Variants in KDM4A observed in about 807,000 individuals in gnomAD.
KDM4A encodes lysine demethylase 4A, also known as lysine-specific demethylase 4A.
KDM4A carries 23 observed loss-of-function variants against 127.1 expected under a neutral mutation model. The ratio of observed to expected loss-of-function variants is 0.18; its 90% CI spans 0.13 to 0.26. The LOEUF is 0.26. Ranked by LOEUF, KDM4A falls within the 10% of genes least tolerant of loss-of-function variation. The probability of loss-of-function intolerance (pLI) is 1.00; values close to 1 mark genes in which losing one functional copy is unlikely to be tolerated. For synonymous variants in KDM4A, 443 were observed against 466.5 expected, an observed-to-expected ratio of 0.95 and a Z score of 0.65; for missense variants, 890 against 1,329.1, an observed-to-expected ratio of 0.67 and a Z score of 5.14.
intron 9 of KDM4A, 95 bp from the exon 10 acceptor site, chr1:43,669,005 C>A: frequency 2.3e-6 from 3 of 1,293,426 alleles, no homozygotes; most frequent in Non-Finnish European, 3.3e-6. Flanking sequence ...CAGGCTCTGG[C>A]CATTCACTTT....
chr1:43,657,750 CT>C (rs140666245), intron 3 of KDM4A, among the ~76,000 whole-genome samples: 1,361 of 116,312 alleles, frequency 0.012, 12 homozygotes, highest in African/African-American at 0.037. Context: ...TTTTTCTTTT[CT>C]TTTTTTTTTT....
intron 11 of KDM4A, among the ~76,000 whole-genome samples, chr1:43,682,441 G>A (rs1384680239): frequency 1.3e-5 from 2 of 152,178 alleles, no homozygotes; most frequent in South Asian, 2.1e-4. Flanking sequence ...CTATGGTCAT[G>A]TAAGTCTTCA....
intron 7 of KDM4A, among the ~76,000 whole-genome samples, 194 bp from the exon 8 acceptor site, chr1:43,666,760 C>A (rs907651674): frequency 3.0e-4 from 45 of 152,162 alleles, no homozygotes. Flanking sequence ...GAACAGTGTT[C>A]ATTTGGAGGA....
intron 6 of KDM4A, 99 bp from the exon 7 acceptor site, chr1:43,666,353 T>G (rs375151251): frequency 1.1e-6 from 1 of 927,500 alleles, no homozygotes; most frequent in Middle Eastern, 2.2e-4. Flanking sequence ...TGATGCATCC[T>G]CTTTATCATT....
intron 19 of KDM4A, chr1:43,699,762 C>T (rs1661338662): frequency 6.7e-6 from 1 of 148,286 alleles, no homozygotes; most frequent in Non-Finnish European, 1.5e-5. Flanking sequence ...TGCTCTGTTG[C>T]CCAGGCTGGA....
Position 43,688,936 on chromosome 1 carries a change from T to G in KDM4A, c.1878T>G (p.Pro626=). The change falls in exon 13 of 22, where the codon CCT becomes CCG. Residue 626 remains proline (P), a synonymous_variant. Transcript: ENST00000372396. This position sits in a 1 kb window ranked among gnomAD's most constrained non-coding sequence, Gnocchi z 4.4. ...SDDETSEQLT[P]EEEAEETEAW... is the part of the protein sequence containing the mutation. The stretch of plus-strand genomic sequence containing the variant: ...TAGAGACATCTGAACAGCTGACCCC[T>G]GAGGAAGAGGCTGAGGAGACAGAGG... 1 of 1,614,112 alleles carries G rather than the reference T, an allele frequency of 6.2e-7. No individual in the cohort carries two copies. Among genetic ancestry groups the G allele is most frequent in the Non-Finnish European group, 8.5e-7 (1 of 1,180,006 alleles).
intron 5 of KDM4A, among the ~76,000 whole-genome samples, chr1:43,664,873 A>G (rs1660465493): frequency 6.6e-6 from 1 of 152,196 alleles, no homozygotes; most frequent in African/African-American, 2.4e-5. Flanking sequence ...CCTTCTGTAT[A>G]GGGTTGCCTG....
At chr1:43,682,370 C>T (rs1053525401) in intron 11 of KDM4A, among the ~76,000 whole-genome samples, 4 of 152,140 alleles carry the variant, frequency 2.6e-5, no homozygotes, top group Non-Finnish European at 5.9e-5. Context: ...AGGTGCTTTC[C>T]GGATGTACGT....
intron 5 of KDM4A, 29 bp from the exon 6 acceptor site, chr1:43,665,667 C>G (rs760884692): frequency 3.1e-6 from 5 of 1,612,954 alleles, no homozygotes; most frequent in Non-Finnish European, 4.2e-6. Context: ...GCCCTCCACC[C>G]AGCCTCTGAT....
chr1:43,691,105 T>A lies in KDM4A; in HGVS notation c.2242+56T>A, dbSNP rs1008139820. On this transcript the variant is annotated intron_variant, in intron 14 of 21. Transcript: ENST00000372396. ...GTCCCAGGAGTATGGGCCTGCTCAC[T>A]GGAAGTTCTTGCCACCTCCTGGCCT... The A allele has an allele frequency of 2.6e-6, 4 of 1,564,674 alleles. No individual in the cohort carries two copies. The African/African-American group carries it at 5.4e-5, about 21-fold the overall frequency.
intron 11 of KDM4A, among the ~76,000 whole-genome samples, chr1:43,683,338 C>T (rs1340029286): frequency 6.6e-6 from 1 of 152,196 alleles, no homozygotes; most frequent in Admixed American, 6.5e-5. Flanking sequence ...GGGGCTCTCT[C>T]ACTTGGGCCA....
Position 43,665,681 on chromosome 1 carries a change from C to G in KDM4A, c.624-15C>G, listed in dbSNP as rs753901104. The G allele has an allele frequency of 2.5e-6, 4 of 1,613,896 alleles. No homozygotes were observed. The highest frequency in any genetic ancestry group is 2.2e-5 in the East Asian group (1 of 44,856). ...TGCCCTCCACCCAGCCTCTGATGCT[C>G]TCATGTGATTGCAGGTACTCTGTTC... is the stretch of plus-strand genomic sequence containing the variant. On this transcript the variant is annotated splice_polypyrimidine_tract_variant and intron_variant, in intron 5 of 21. Coordinates refer to ENST00000372396, the MANE Select transcript of KDM4A (RefSeq NM_014663.3).
At chr1:43,652,849 A>AT (rs1660148921) in intron 1 of KDM4A, among the ~76,000 whole-genome samples, 1 of 148,256 alleles carries the variant, frequency 6.7e-6, no homozygotes, top group Non-Finnish European at 1.5e-5. Flanking sequence ...TGCCCAGCTA[A>AT]TTTTTTGTAT....
At chr1:43,668,531 C>T (rs908556848) in intron 9 of KDM4A, among the ~76,000 whole-genome samples, 9 of 152,102 alleles carry the variant, frequency 5.9e-5, no homozygotes, top group Non-Finnish European at 1.2e-4. Context: ...GAATGAGAGA[C>T]CTGTAGTGGG....
intron 3 of KDM4A, among the ~76,000 whole-genome samples, chr1:43,657,750 C>CTTTTTTTTT (rs140666245): frequency 2.6e-5 from 3 of 116,460 alleles, no homozygotes; most frequent in African/African-American, 1.1e-4. Context: ...TTTTTCTTTT[C>CTTTTTTTTT]TTTTTTTTTT....
intron 8 of KDM4A, 36 bp downstream of exon 8, chr1:43,667,127 C>T (rs371184574): frequency 2.7e-4 from 427 of 1,608,484 alleles, no homozygotes; most frequent in Non-Finnish European, 3.5e-4. Context: ...AACACCATGA[C>T]AAAAATGAGC....
chr1:43,703,618 G>A lies in KDM4A; in HGVS notation c.2843G>A (p.Ser948Asn). The A allele has an allele frequency of 1.2e-6, 2 of 1,613,912 alleles. No homozygotes were observed. The highest frequency in any genetic ancestry group is 1.7e-6 in the Non-Finnish European group (2 of 1,179,908). ...SDNLYPEDIV[S>N]QDCLQFGPPA... ...CCTCCTTCCTTCCTGTTTCCTCAGA[G>A]CCAGGACTGTCTCCAGTTTGGTCCT... is the stretch of plus-strand genomic sequence containing the variant. The change falls in exon 20 of 22, where the codon AGC becomes AAC. Residue 948 changes from serine (S) to asparagine (N), a missense_variant and splice_region_variant. By Grantham distance (46) the Ser-to-Asn change is conservative. Transcript: ENST00000372396.
chr1:43,684,712 T>C (rs753947888), intron 12 of KDM4A, among the ~76,000 whole-genome samples: 1 of 152,196 alleles, frequency 6.6e-6, no homozygotes. Context: ...TTTGTCTTAC[T>C]GGCATTCAGG....
At chr1:43,652,839 T>C (rs597041) in intron 1 of KDM4A, among the ~76,000 whole-genome samples, 68,095 of 151,542 alleles carry the variant, frequency 0.45, 15,544 homozygotes, top group Middle Eastern at 0.52. Context: ...CCCGCCACCA[T>C]GCCCAGCTAA....
Sources: gnomAD v4.1 joint callset for allele counts (sites outside exome capture counted in the v4.1 genomes callset) on GRCh38, gnomAD v4.1.1 for gene constraint, Gnocchi (gnomAD v3.1) non-coding constraint, MANE v1.5 for transcripts, NCBI Gene and HGNC (gene_info 2026-07-23, HGNC 2026-07-21) for gene names.